The following ELOVL5 variants were observed in gnomAD, a reference collection of about 807,000 sequenced individuals.
ELOVL5 encodes the protein ELOVL fatty acid elongase 5.
Under a neutral mutation model 38.6 loss-of-function variants are expected in ELOVL5, and 8 were observed. That is an observed-to-expected ratio of 0.21 (90% CI 0.12 to 0.37). The LOEUF (loss-of-function observed/expected upper bound fraction) is 0.37. Ranked by LOEUF, ELOVL5 falls within the 10% of genes least tolerant of loss-of-function variation. The probability of loss-of-function intolerance (pLI) is 1.00; values close to 1 mark genes in which losing one functional copy is unlikely to be tolerated. For missense variants in ELOVL5, 280 were observed against 367.8 expected (o/e 0.76, Z 1.95); for synonymous variants, 127 against 133.7 (o/e 0.95, Z 0.34).
At chr6:53,305,092 G>A (rs1313734081) in intron 1 of ELOVL5, among the ~76,000 whole-genome samples, 10 of 147,252 alleles carry the variant, frequency 6.8e-5, no homozygotes, top group Admixed American at 4.7e-4. Context: ...GGGGCGGCTC[G>A]CTGGGCAGGG....
Position 53,327,883 on chromosome 6 carries a change from G to C in ELOVL5, c.-9+20934C>G, listed in dbSNP as rs188338946. Among the ~76,000 whole-genome samples, 43 of 151,884 alleles carry C rather than the reference G, an allele frequency of 2.8e-4. No homozygotes were observed. The East Asian group carries it at 7.7e-3, about 27-fold the overall frequency. On this transcript the variant is annotated intron_variant, in intron 1 of 7. Coordinates refer to ENST00000304434, the MANE Select transcript of ELOVL5 (RefSeq NM_021814.5). ...ATGCTTTTTTTCTGCTGACAAATCAGCTCCAGTGTTCAACCTAAAAGTCCT... is the reference window on the plus strand; with the variant it reads ...ATGCTTTTTTTCTGCTGACAAATCACCTCCAGTGTTCAACCTAAAAGTCCT...
At chr6:53,288,502 A>G (rs970262598) in intron 3 of ELOVL5, among the ~76,000 whole-genome samples, 11 of 152,306 alleles carry the variant, frequency 7.2e-5, no homozygotes, top group African/African-American at 2.6e-4. Context: ...AAAACATACC[A>G]CTAATTCAAA....
chr6:53,326,463 C>T (rs1198295790), intron 1 of ELOVL5, among the ~76,000 whole-genome samples: 1 of 152,148 alleles, frequency 6.6e-6, no homozygotes, highest in African/African-American at 2.4e-5. Context: ...CCCTCTTGCT[C>T]ACTGCCCCCA....
intron 1 of ELOVL5, among the ~76,000 whole-genome samples, chr6:53,330,516 A>ATTT (rs1257101194): frequency 2.4e-5 from 2 of 84,802 alleles, no homozygotes; most frequent in Admixed American, 1.2e-4. Context: ...TTCTTTATAA[A>ATTT]CTTTTTTTTT....
At chr6:53,306,215 G>GGAGAA (rs1337484630) in intron 1 of ELOVL5, among the ~76,000 whole-genome samples, 169 of 11,836 alleles carry the variant, frequency 0.014, 2 homozygotes, top group Middle Eastern at 0.038. Context: ...AGAAAGGGGA[G>GGAGAA]AGGGGAGAGG....
chr6:53,305,064 C>CA (rs1315887965), intron 1 of ELOVL5, among the ~76,000 whole-genome samples: 8 of 150,470 alleles, frequency 5.3e-5, no homozygotes, highest in African/African-American at 2.0e-4. Context: ...GCTGACCCCC[C>CA]CCACCTCCCT....
intron 1 of ELOVL5, among the ~76,000 whole-genome samples, chr6:53,297,352 T>C (rs1424104660): frequency 3.3e-5 from 5 of 152,228 alleles, no homozygotes; most frequent in African/African-American, 1.2e-4. Flanking sequence ...TCAACCATGG[T>C]CTGAAAATAC....
chr6:53,294,486 T>C (rs1181769818), intron 2 of ELOVL5: 52 of 1,547,816 alleles, frequency 3.4e-5, no homozygotes, highest in Non-Finnish European at 4.5e-5. Flanking sequence ...ACAGAGCTGC[T>C]GATACCTGGA....
intron 1 of ELOVL5, among the ~76,000 whole-genome samples, chr6:53,298,245 A>G (rs2127576913): frequency 6.6e-6 from 1 of 152,364 alleles, no homozygotes; most frequent in South Asian, 2.1e-4. Flanking sequence ...ATGAAAGGAA[A>G]TAAGGAGGAA....
In ELOVL5 at chr6:53,287,935, C is replaced by T. The variant is rs1256000374; in HGVS notation, c.246+3841G>A. 7 of 1,535,520 alleles carry T rather than the reference C, an allele frequency of 4.6e-6. No homozygotes were observed. The African/African-American group carries it at 8.2e-5, about 18-fold the overall frequency. The stretch of plus-strand genomic sequence containing the variant: ...ACAGGCAGATCGACGGGGTTGCTCC[C>T]TTTTGGACTGTAACAAACACAATTA... On this transcript the variant is annotated intron_variant, in intron 3 of 7. Transcript: ENST00000304434.
intron 1 of ELOVL5, among the ~76,000 whole-genome samples, chr6:53,328,972 T>C (rs1425179082): frequency 6.6e-6 from 1 of 152,184 alleles, no homozygotes; most frequent in East Asian, 1.9e-4. Flanking sequence ...ACCTTACAGA[T>C]ATGTTCATTT....
chr6:53,347,529 G>A (rs1355882896), intron 1 of ELOVL5, among the ~76,000 whole-genome samples: 2 of 152,162 alleles, frequency 1.3e-5, no homozygotes, highest in Non-Finnish European at 2.9e-5. Flanking sequence ...CTGCCAAGCG[G>A]TTAGGAGAAT....
chr6:53,311,569 T>C (rs9382193), intron 1 of ELOVL5, among the ~76,000 whole-genome samples: 55,272 of 151,998 alleles, frequency 0.36, 11,160 homozygotes, highest in African/African-American at 0.55. Context: ...AGTCAAAAAG[T>C]AAAAACAACC....
chr6:53,270,542 T>A (rs768930881), intron 7 of ELOVL5, 51 bp downstream of exon 7: 1 of 1,601,822 alleles, frequency 6.2e-7, no homozygotes, highest in Non-Finnish European at 8.5e-7. Context: ...GATGAGGGCC[T>A]TTGTTGGTAA....
chr6:53,278,098 G>C (rs1766209893), intron 3 of ELOVL5, among the ~76,000 whole-genome samples: 1 of 152,216 alleles, frequency 6.6e-6, no homozygotes, highest in Non-Finnish European at 1.5e-5. Context: ...ACATATGACT[G>C]TCTTCATCAG....
chr6:53,338,956 A>G (rs909672274), intron 1 of ELOVL5, among the ~76,000 whole-genome samples: 1 of 152,186 alleles, frequency 6.6e-6, no homozygotes, highest in African/African-American at 2.4e-5. Flanking sequence ...AACCCCCCAA[A>G]CGAAAATGTC....
chr6:53,314,102 C>T (rs1767944942), intron 1 of ELOVL5, among the ~76,000 whole-genome samples: 2 of 152,342 alleles, frequency 1.3e-5, no homozygotes, highest in South Asian at 4.1e-4. Flanking sequence ...TTAAAACCTC[C>T]TTGATAATCA....
At chr6:53,334,599 A>C (rs1410940104) in intron 1 of ELOVL5, among the ~76,000 whole-genome samples, 1 of 152,124 alleles carries the variant, frequency 6.6e-6, no homozygotes, top group Non-Finnish European at 1.5e-5. Context: ...GAGAAATTTA[A>C]AGAAAGGGTA....
At chr6:53,337,761 G>A (rs1443451509) in intron 1 of ELOVL5, among the ~76,000 whole-genome samples, 1 of 152,224 alleles carries the variant, frequency 6.6e-6, no homozygotes, top group Non-Finnish European at 1.5e-5. Context: ...ACAGAGGCAA[G>A]GAGCCAAGGA....
Sources: allele counts gnomAD v4.1 joint callset (sites outside exome capture counted in the v4.1 genomes callset), GRCh38; gene constraint gnomAD v4.1.1; transcripts MANE v1.5; gene names NCBI Gene and HGNC (gene_info 2026-07-23, HGNC 2026-07-21).